ENOX2: variants seen among roughly 807,000 people sequenced by gnomAD.
ENOX2 encodes the protein ecto-NOX disulfide-thiol exchanger 2.
Under a neutral mutation model 45.0 loss-of-function variants are expected in ENOX2, and 36 were observed. The ratio of observed to expected loss-of-function variants is 0.80; its 90% CI spans 0.61 to 1.06. The LOEUF is 1.06. ENOX2 is among the 50% of genes least tolerant of loss of function. The pLI is 0.00. For synonymous variants in ENOX2, 174 were observed against 152.3 expected, an observed-to-expected ratio of 1.14 and a Z score of -1.05; for missense variants, 423 against 462.5, an observed-to-expected ratio of 0.91 and a Z score of 0.78.
intron 2 of ENOX2, among the ~76,000 whole-genome samples, chrX:130,813,475 G>A (rs192911018): frequency 1.4e-3 from 162 of 112,097 alleles, no homozygotes; most frequent in African/African-American, 5.1e-3. Flanking sequence ...GGCTGAATAG[G>A]AACAGCTCTG....
intron 2 of ENOX2, among the ~76,000 whole-genome samples, chrX:130,860,210 G>A (rs1331314786): frequency 1.8e-5 from 2 of 111,648 alleles, no homozygotes; most frequent in African/African-American, 3.3e-5. Context: ...ACCCGCCTTG[G>A]CCTCCCAAAA....
intron 2 of ENOX2, among the ~76,000 whole-genome samples, chrX:130,895,430 T>C (rs747608494): frequency 8.9e-6 from 1 of 111,981 alleles, no homozygotes; most frequent in East Asian, 2.8e-4. Context: ...GAAGAGCAGC[T>C]GGAGCAGATG....
At chrX:130,827,216 C>A (rs1047622416) in intron 2 of ENOX2, among the ~76,000 whole-genome samples, 1 of 111,881 alleles carries the variant, frequency 8.9e-6, no homozygotes, top group Non-Finnish European at 1.9e-5. Flanking sequence ...AAAAGCCATG[C>A]AGTTTCTCCA....
intron 3 of ENOX2, among the ~76,000 whole-genome samples, chrX:130,782,286 CAACT>C (rs1340333994): frequency 8.9e-6 from 1 of 111,976 alleles, no homozygotes; most frequent in African/African-American, 3.2e-5. Flanking sequence ...TACATCATTT[CAACT>C]AACTGTCATA....
intron 4 of ENOX2, among the ~76,000 whole-genome samples, chrX:130,698,951 T>A (rs1174322415): frequency 1.8e-5 from 2 of 112,026 alleles, no homozygotes; most frequent in South Asian, 3.8e-4. Flanking sequence ...ATATTTTAAT[T>A]GAGGGGAAAA....
intron 2 of ENOX2, among the ~76,000 whole-genome samples, chrX:130,896,438 C>T (rs1272704202): frequency 9.0e-6 from 1 of 110,860 alleles, no homozygotes; most frequent in Non-Finnish European, 1.9e-5. Context: ...AAGATGGGCC[C>T]GCTTGTTAAA....
chrX:130,848,825 A>C (rs2078157714), intron 2 of ENOX2, among the ~76,000 whole-genome samples: 1 of 111,788 alleles, frequency 8.9e-6, no homozygotes, highest in African/African-American at 3.3e-5. Flanking sequence ...AACAAACAAA[A>C]AAAAACCAAA....
At chrX:130,775,681 G>T (rs1254218383) in intron 3 of ENOX2, among the ~76,000 whole-genome samples, 1 of 111,392 alleles carries the variant, frequency 9.0e-6, no homozygotes, top group Non-Finnish European at 1.9e-5. Context: ...TTTGAAGCTA[G>T]AGGTGGTAGG....
intron 8 of ENOX2, 100 bp downstream of exon 8, chrX:130,667,430 T>G (rs1438837217): frequency 1.3e-6 from 1 of 743,372 alleles, no homozygotes; most frequent in African/African-American, 2.1e-5. Context: ...GCCTTGAGCC[T>G]TAACACAGGA....
At chrX:130,656,106 T>C (rs73553298) in intron 10 of ENOX2, among the ~76,000 whole-genome samples, 2,328 of 111,964 alleles carry the variant, frequency 0.021, 47 homozygotes, top group African/African-American at 0.071. Flanking sequence ...ACTCCTAAGA[T>C]TGTCTGGAAT....
At chrX:130,745,059 T>C (rs376158521) in intron 3 of ENOX2, among the ~76,000 whole-genome samples, 4 of 111,331 alleles carry the variant, frequency 3.6e-5, no homozygotes, top group African/African-American at 1.3e-4. Context: ...TGTGGAAAAA[T>C]TGTCTTCCAC....
In ENOX2 at chrX:130,624,372, A is replaced by G. The variant is rs2035490418; in HGVS notation, c.*942T>C. ...TCAGCATGAAGTAAACATAGTATTTACAGCAGTACTCGGTTTGCAATTCAA... is the reference window on the plus strand; with the variant it reads ...TCAGCATGAAGTAAACATAGTATTTGCAGCAGTACTCGGTTTGCAATTCAA... On this transcript the variant is annotated 3_prime_UTR_variant, in exon 15 of 15. Transcript: ENST00000394363. The G allele has an allele frequency of 8.9e-6, 1 of 112,892 alleles. No individual in the cohort carries two copies. Among genetic ancestry groups the G allele is most frequent in the African/African-American group, 3.2e-5 (1 of 31,008 alleles). 9.3% of individuals were successfully genotyped at this position (112,892 alleles called of 1,213,427 possible).
intron 2 of ENOX2, among the ~76,000 whole-genome samples, chrX:130,832,170 T>A (rs184483368): frequency 9.0e-6 from 1 of 111,081 alleles, no homozygotes; most frequent in East Asian, 2.8e-4. Flanking sequence ...CGTCTCACTA[T>A]ACATGCTTGG....
chrX:130,667,710 A>C lies in ENOX2; in HGVS notation c.727T>G (p.Leu243Val). The C allele has an allele frequency of 1.7e-6, 2 of 1,206,716 alleles. No individual in the cohort carries two copies. The highest frequency in any genetic ancestry group is 2.2e-6 in the Non-Finnish European group (2 of 891,220). The change falls in exon 8 of 15, where the codon TTG becomes GTG. Residue 243 changes from leucine (L) to valine (V), a missense_variant. This residue lies in a region of ENOX2 where 261 missense variants were observed against 306.8 expected (regional missense o/e 0.85). Coordinates refer to ENST00000394363, the MANE Select transcript of ENOX2 (RefSeq NM_006375.4). Reference protein sequence around the residue: ...DSKFSEAVQTLLTWIERGEVN... With the variant: ...DSKFSEAVQTVLTWIERGEVN... ...TCTCCTCGCTCTATCCAGGTAAGCA[A>C]GGTCTGTACAGCTTCTGAGAATTTG...
At chrX:130,656,163 T>G (rs1196654170) in intron 10 of ENOX2, among the ~76,000 whole-genome samples, 1 of 112,195 alleles carries the variant, frequency 8.9e-6, no homozygotes, top group Non-Finnish European at 1.9e-5. Flanking sequence ...TTATCTGCAA[T>G]GGTAATTCTC....
chrX:130,831,775 A>C (rs1467557845), intron 2 of ENOX2, among the ~76,000 whole-genome samples: 1 of 111,550 alleles, frequency 9.0e-6, no homozygotes, highest in Non-Finnish European at 1.9e-5. Context: ...GTCTGTTGTA[A>C]AGCTCAATGA....
intron 3 of ENOX2, among the ~76,000 whole-genome samples, chrX:130,733,246 C>T (rs1029452968): frequency 6.3e-5 from 7 of 111,466 alleles, no homozygotes; most frequent in Non-Finnish European, 1.3e-4. Context: ...AGAAGACACA[C>T]AAATGGCCAA....
chrX:130,689,625 T>G (rs1313227755), intron 4 of ENOX2, among the ~76,000 whole-genome samples: 1 of 112,102 alleles, frequency 8.9e-6, no homozygotes, highest in Non-Finnish European at 1.9e-5. Flanking sequence ...CTGGAATTAT[T>G]TGGGCCTCCG....
rs997650703 is a variant in ENOX2, at chrX:130,857,677, T to C, written c.-183+44007A>G. 2.7e-5 allele frequency among the ~76,000 whole-genome samples: 3 copies of C among 111,231 alleles called. No individual in the cohort carries two copies. The East Asian group carries it at 8.4e-4, about 31-fold the overall frequency. On this transcript the variant is annotated intron_variant, in intron 2 of 14. Coordinates refer to ENST00000394363, the MANE Select transcript of ENOX2 (RefSeq NM_006375.4). ...AATAAATAAGAGAACAGGAGGAAAT[T>C]TTGGAGGTAATGGACAGACTTATGA...
Sources: allele counts gnomAD v4.1 joint callset (sites outside exome capture counted in the v4.1 genomes callset), GRCh38; gene constraint gnomAD v4.1.1; regional missense constraint gnomAD v4.1.1; transcripts MANE v1.5; gene names NCBI Gene and HGNC (gene_info 2026-07-23, HGNC 2026-07-21).